Variants in PIK3CB observed in about 807,000 individuals in gnomAD.
PIK3CB encodes the protein phosphatidylinositol 4,5-bisphosphate 3-kinase catalytic subunit beta isoform.
A neutral mutation model predicts 136.8 loss-of-function variants in PIK3CB; 39 were observed. That is an observed-to-expected ratio of 0.29 (90% CI 0.22 to 0.37). The LOEUF (loss-of-function observed/expected upper bound fraction) is 0.37, where lower values mean the gene tolerates loss of function less well. Among genes scored for constraint, PIK3CB ranks in the 10% least tolerant of loss-of-function variants. PIK3CB has a pLI of 1.00. For missense variants in PIK3CB, 868 were observed against 1,275.4 expected, an observed-to-expected ratio of 0.68 and a Z score of 4.87; for synonymous variants, 428 against 436.6, an observed-to-expected ratio of 0.98 and a Z score of 0.25.
chr3:138,707,450 G>T, intron 10 of PIK3CB, 161 bp from the exon 11 acceptor site: 1 of 1,356,928 alleles, frequency 7.4e-7, no homozygotes, highest in African/African-American at 1.5e-5. Flanking sequence ...TTCTGTTAAT[G>T]CTTGGAACAA....
chr3:138,656,068 T>C (rs2043186456), intron 23 of PIK3CB, 74 bp downstream of exon 23: 1 of 1,480,688 alleles, frequency 6.8e-7, no homozygotes, highest in Non-Finnish European at 9.3e-7. Context: ...CTTCAGCCAC[T>C]TGAATAAAAC....
At chr3:138,810,423 C>T (rs936760065) in intron 1 of PIK3CB, among the ~76,000 whole-genome samples, 1 of 152,070 alleles carries the variant, frequency 6.6e-6, no homozygotes, top group African/African-American at 2.4e-5. Context: ...TCAAGGACAA[C>T]ATCAACAACG....
At chr3:138,715,720 G>A (rs2044593147) in intron 8 of PIK3CB, among the ~76,000 whole-genome samples, 1 of 151,410 alleles carries the variant, frequency 6.6e-6, no homozygotes, top group South Asian at 2.1e-4. Flanking sequence ...GATGTAATCA[G>A]CAATTTTAAT....
At chr3:138,819,489 C>A (rs1199884708) in intron 1 of PIK3CB, among the ~76,000 whole-genome samples, 1 of 152,122 alleles carries the variant, frequency 6.6e-6, no homozygotes, top group Non-Finnish European at 1.5e-5. Flanking sequence ...TCTGGGAAAA[C>A]TGAATATTAA....
chr3:138,827,856 G>C (rs958707532), intron 1 of PIK3CB, among the ~76,000 whole-genome samples: 1 of 151,606 alleles, frequency 6.6e-6, no homozygotes, highest in African/African-American at 2.4e-5. Flanking sequence ...GGGCGTGGTG[G>C]GGGCGCCTGT....
At chr3:138,677,107 G>C (rs1191311070) in intron 19 of PIK3CB, among the ~76,000 whole-genome samples, 1 of 148,522 alleles carries the variant, frequency 6.7e-6, no homozygotes, top group Non-Finnish European at 1.5e-5. Context: ...GCCCAGGCTG[G>C]AGTATGCAAT....
intron 12 of PIK3CB, among the ~76,000 whole-genome samples, chr3:138,701,420 C>A (rs1173459601): frequency 6.6e-6 from 1 of 151,868 alleles, no homozygotes; most frequent in Admixed American, 6.6e-5. Context: ...TTTTCCTGAC[C>A]TTCATGAATC....
chr3:138,798,512 G>T (rs6801207), intron 1 of PIK3CB, among the ~76,000 whole-genome samples: 61,426 of 152,042 alleles, frequency 0.4, 13,250 homozygotes, highest in Middle Eastern at 0.47. Flanking sequence ...ACTCTAGAAG[G>T]TTACATGAGA....
intron 2 of PIK3CB, among the ~76,000 whole-genome samples, chr3:138,783,066 A>G (rs2045938892): frequency 6.6e-6 from 1 of 152,206 alleles, no homozygotes; most frequent in South Asian, 2.1e-4. Flanking sequence ...GGCTACCATT[A>G]TGACACCAGC....
chr3:138,739,916 A>T (rs558078428), intron 5 of PIK3CB, among the ~76,000 whole-genome samples: 88 of 150,852 alleles, frequency 5.8e-4, no homozygotes, highest in East Asian at 1.8e-3. Flanking sequence ...TAAAAAAAAA[A>T]AAAATAAAAG....
At chr3:138,714,325 T>C (rs1319937792) in intron 9 of PIK3CB, 143 bp downstream of exon 9, 1 of 555,440 alleles carries the variant, frequency 1.8e-6, no homozygotes, top group Non-Finnish European at 3.1e-6. Context: ...GATATAAACA[T>C]GGAAATTTCT....
chr3:138,785,161 C>T (rs1346980921), intron 2 of PIK3CB, among the ~76,000 whole-genome samples: 2 of 151,004 alleles, frequency 1.3e-5, no homozygotes, highest in Non-Finnish European at 3.0e-5. Context: ...CAGCCCCCGC[C>T]CGGTCAGCCG....
At chr3:138,830,946 A>AATAATG (rs1046820002) in intron 1 of PIK3CB, among the ~76,000 whole-genome samples, 1 of 144,918 alleles carries the variant, frequency 6.9e-6, no homozygotes, top group African/African-American at 2.6e-5. Context: ...TAATAATAAT[A>AATAATG]ATAATAAAGC....
chr3:138,798,724 C>T (rs1195954209), intron 1 of PIK3CB, among the ~76,000 whole-genome samples: 1 of 152,144 alleles, frequency 6.6e-6, no homozygotes, highest in Non-Finnish European at 1.5e-5. Flanking sequence ...ATACTATCAA[C>T]ACAAACACAC....
chr3:138,731,683 T>A (rs1315242776), intron 8 of PIK3CB, among the ~76,000 whole-genome samples: 1 of 151,790 alleles, frequency 6.6e-6, no homozygotes, highest in African/African-American at 2.4e-5. Flanking sequence ...ATAAACATGC[T>A]CATTAAAAAG....
chr3:138,780,383 G>A lies in PIK3CB; in HGVS notation c.-17+16080C>T, dbSNP rs545354392. 7.9e-5 allele frequency among the ~76,000 whole-genome samples: 12 copies of A among 152,214 alleles called. No individual in the cohort carries two copies. In the South Asian group the frequency reaches 2.1e-3, roughly 26 times the overall value. ...CCTCCAGGGTTCAAGTGATTCTCCT[G>A]CCTCAGCCTCCCAAGTAGCTGGGAT... On this transcript the variant is annotated intron_variant, in intron 2 of 23. Coordinates refer to ENST00000674063, the MANE Select transcript of PIK3CB (RefSeq NM_006219.3).
chr3:138,690,072 GAC>G (rs1482749186), intron 15 of PIK3CB, among the ~76,000 whole-genome samples: 1 of 150,900 alleles, frequency 6.6e-6, no homozygotes, highest in Non-Finnish European at 1.5e-5. Flanking sequence ...AATGAGAAAA[GAC>G]AAGTTAAAAA....
chr3:138,798,376 G>A (rs868396620), intron 1 of PIK3CB, among the ~76,000 whole-genome samples: 38 of 152,080 alleles, frequency 2.5e-4, no homozygotes, highest in African/African-American at 8.7e-4. Context: ...TGTTGGTCAG[G>A]CTGGTCTCGA....
chr3:138,702,661 A>G (rs2044280227), intron 12 of PIK3CB, among the ~76,000 whole-genome samples: 1 of 152,226 alleles, frequency 6.6e-6, no homozygotes, highest in Admixed American at 6.5e-5. Context: ...ATTGCCTAAT[A>G]AGCTGATAAA....
Sources: allele counts gnomAD v4.1 joint callset (sites outside exome capture counted in the v4.1 genomes callset), GRCh38; gene constraint gnomAD v4.1.1; transcripts MANE v1.5; gene names NCBI Gene and HGNC (gene_info 2026-07-23, HGNC 2026-07-21).